Variants in CPS1 observed in about 807,000 individuals in gnomAD.
CPS1 encodes the protein carbamoyl-phosphate synthase 1.
Under a neutral mutation model 174.6 loss-of-function variants are expected in CPS1, and 109 were observed. The observed-to-expected ratio is 0.62, with a 90% CI of 0.53 to 0.73. The LOEUF (loss-of-function observed/expected upper bound fraction) is 0.73, where lower values mean the gene tolerates loss of function less well. CPS1 is among the 30% of genes least tolerant of loss of function. The pLI, the probability that CPS1 is intolerant of heterozygous loss-of-function variation, is 0.00. For missense variants in CPS1, 1,689 were observed against 1,821.9 expected (o/e 0.93, Z 1.33); for synonymous variants, 637 against 632.0 (o/e 1.01, Z -0.12).
intron 1 of CPS1, among the ~76,000 whole-genome samples, chr2:210,487,709 T>C (rs922717168): frequency 7.1e-6 from 1 of 141,008 alleles, no homozygotes; most frequent in African/African-American, 2.6e-5. Context: ...TAAAGCGAAA[T>C]CTGATTCTTA....
At chr2:210,508,372 C>A (rs1196821039) in intron 1 of CPS1, among the ~76,000 whole-genome samples, 31 of 151,296 alleles carry the variant, frequency 2.0e-4, no homozygotes, top group Admixed American at 2.0e-3. Flanking sequence ...GGGACACATT[C>A]AAAGCAGTGT....
At chr2:210,661,503 ATTGTG>A (rs1445482195) in intron 32 of CPS1, among the ~76,000 whole-genome samples, 9 of 152,172 alleles carry the variant, frequency 5.9e-5, no homozygotes, top group Admixed American at 3.3e-4. Context: ...TTCAACCATA[ATTGTG>A]TTACAGCTCA....
intron 21 of CPS1, among the ~76,000 whole-genome samples, chr2:210,634,486 T>C (rs1377940817): frequency 1.3e-5 from 2 of 152,148 alleles, no homozygotes; most frequent in Non-Finnish European, 2.9e-5. Flanking sequence ...CTCTCTCTCT[T>C]TTTCTTGAAA....
chr2:210,489,215 T>C (rs1404806809), intron 1 of CPS1, among the ~76,000 whole-genome samples: 2 of 152,162 alleles, frequency 1.3e-5, no homozygotes, highest in Non-Finnish European at 2.9e-5. Context: ...AAAGAATATA[T>C]ATTGCAGAAT....
At chr2:210,655,354 A>G (rs1700670421) in intron 29 of CPS1, among the ~76,000 whole-genome samples, 1 of 152,180 alleles carries the variant, frequency 6.6e-6, no homozygotes, top group Admixed American at 6.5e-5. Flanking sequence ...GTTTGCCAGC[A>G]TATGTGCTTT....
intron 23 of CPS1, among the ~76,000 whole-genome samples, chr2:210,639,547 G>A (rs1000934344): frequency 6.8e-6 from 1 of 146,064 alleles, no homozygotes; most frequent in East Asian, 2.0e-4. Flanking sequence ...GGGAAGCGGA[G>A]CTTGCAGTGA....
Position 210,600,712 on chromosome 2 carries a change from G to C in CPS1, c.1707G>C (p.Ser569=). The C allele has an allele frequency of 1.2e-6, 2 of 1,611,724 alleles. No homozygotes were observed. Among genetic ancestry groups the C allele is most frequent in the Non-Finnish European group, 1.7e-6 (2 of 1,178,480 alleles). ...TTGCTCCAAGTTTTGCAGTGGAATC[G>C]GTAAGGATTCTTTGCTTTGGAAAAA... ...EKIAPSFAVE[S]IEDALKAADT... Residue 569 remains serine, a splice_region_variant and synonymous_variant, in exon 15 of 38, where the codon TCG becomes TCC. Transcript: ENST00000233072.
At chr2:210,622,770 A>C (rs935542055) in intron 21 of CPS1, among the ~76,000 whole-genome samples, 312 of 151,412 alleles carry the variant, frequency 2.1e-3, no homozygotes, top group African/African-American at 7.3e-3. Context: ...GATACTTAAA[A>C]AAAAAAAAAA....
rs149111290 is a variant in CPS1, at chr2:210,575,030, C to T, written c.237-1316C>T. On this transcript the variant is annotated intron_variant, in intron 2 of 37. Coordinates refer to ENST00000233072, the MANE Select transcript of CPS1 (RefSeq NM_001875.5). Reference sequence around the variant, plus strand: ...TTTTGTTTTTCATCTTTAAGCAATGCATTTATATTGTGGGCAAGCCTTGGT... The same window carrying T: ...TTTTGTTTTTCATCTTTAAGCAATGTATTTATATTGTGGGCAAGCCTTGGT... Among the ~76,000 whole-genome samples the T allele has an allele frequency of 5.3e-3, 806 of 152,034 alleles. 5 individuals are homozygous for T. The Middle Eastern group carries it at 0.062, about 12-fold the overall frequency.
chr2:210,584,431 A>T (rs774056466), intron 6 of CPS1, among the ~76,000 whole-genome samples: 2 of 152,152 alleles, frequency 1.3e-5, no homozygotes, highest in Admixed American at 6.6e-5. Context: ...TTAGAAAGGA[A>T]GGAGTAGAAA....
chr2:210,648,355 A>C, intron 26 of CPS1, 118 bp from the exon 27 acceptor site: 1 of 824,844 alleles, frequency 1.2e-6, no homozygotes, highest in South Asian at 1.7e-5. Context: ...ATTTACATTT[A>C]ATGGTGCCTT....
chr2:210,500,564 C>T (rs923845063), intron 1 of CPS1, among the ~76,000 whole-genome samples: 5 of 152,288 alleles, frequency 3.3e-5, no homozygotes, highest in Middle Eastern at 3.4e-3. Flanking sequence ...TTCAATAGGG[C>T]AGTCATTAAA....
chr2:210,533,728 A>T (rs765121398), intron 1 of CPS1, among the ~76,000 whole-genome samples: 82 of 152,264 alleles, frequency 5.4e-4, no homozygotes, highest in Admixed American at 2.2e-3. Context: ...ACTTTAAGTA[A>T]TTCCTAGTTT....
chr2:210,612,972 G>A (rs1055982894), intron 20 of CPS1, among the ~76,000 whole-genome samples: 1 of 151,922 alleles, frequency 6.6e-6, no homozygotes, highest in African/African-American at 2.4e-5. Context: ...TATAAAAGGT[G>A]ACTTGGGCAG....
chr2:210,577,475 A>T lies in CPS1; in HGVS notation c.436A>T (p.Thr146Ser). 8.7e-6 allele frequency: 14 copies of T among 1,613,902 alleles called. No homozygotes were observed. Among genetic ancestry groups the T allele is most frequent in the Non-Finnish European group, 1.1e-5 (13 of 1,179,880 alleles). Residue 146 changes from threonine to serine, a missense_variant, in exon 4 of 38, where the codon ACC (threonine) becomes TCC (serine). Coordinates refer to ENST00000233072, the MANE Select transcript of CPS1 (RefSeq NM_001875.5). The part of the protein sequence containing the change: ...YSKDYNHWLA[T>S]KSLGQWLQEE... ...TAAAGACTACAACCACTGGCTGGCTACCAAGAGTTTAGGGCAATGGCTACA... is the reference window on the plus strand; with the variant it reads ...TAAAGACTACAACCACTGGCTGGCTTCCAAGAGTTTAGGGCAATGGCTACA...
intron 19 of CPS1, among the ~76,000 whole-genome samples, chr2:210,610,823 T>G (rs925648270): frequency 4.0e-5 from 6 of 151,594 alleles, no homozygotes; most frequent in Non-Finnish European, 5.9e-5. Flanking sequence ...AGATACATAT[T>G]CCTTTGTTAT....
upstream of CPS1, among the ~76,000 whole-genome samples, chr2:210,553,977 T>C (rs1179830916): frequency 6.6e-6 from 1 of 151,400 alleles, no homozygotes; most frequent in Non-Finnish European, 1.5e-5. Flanking sequence ...TTTCCAAGTC[T>C]CTAATTCAGA....
At chr2:210,597,247 C>G (rs1347034053) in intron 13 of CPS1, among the ~76,000 whole-genome samples, 1 of 151,794 alleles carries the variant, frequency 6.6e-6, no homozygotes, top group Non-Finnish European at 1.5e-5. Context: ...CATTTGCTTA[C>G]CTGTTTGTAT....
chr2:210,510,436 C>T (rs1282374872), intron 1 of CPS1, among the ~76,000 whole-genome samples: 11 of 152,122 alleles, frequency 7.2e-5, no homozygotes, highest in Admixed American at 4.6e-4. Flanking sequence ...TAGAAGAAAA[C>T]CTAGGCAATA....
Sources: allele counts gnomAD v4.1 joint callset (sites outside exome capture counted in the v4.1 genomes callset), GRCh38; gene constraint gnomAD v4.1.1; transcripts MANE v1.5; gene names NCBI Gene and HGNC (gene_info 2026-07-23, HGNC 2026-07-21).